The following CACNA1B variants were observed in gnomAD, a reference collection of about 807,000 sequenced individuals.
CACNA1B encodes the protein voltage-dependent N-type calcium channel subunit alpha-1B.
In CACNA1B, 70 loss-of-function variants were observed where a neutral mutation model predicts 247.2. The observed-to-expected ratio is 0.28, with a 90% CI of 0.23 to 0.35. The LOEUF is 0.35. Ranked by LOEUF, CACNA1B falls within the 10% of genes least tolerant of loss-of-function variation. The pLI, the probability that CACNA1B is intolerant of heterozygous loss-of-function variation, is 1.00. For synonymous variants in CACNA1B, 1,231 were observed against 1,294.4 expected, an observed-to-expected ratio of 0.95 and a Z score of 1.05; for missense variants, 2,367 against 3,197.4, an observed-to-expected ratio of 0.74 and a Z score of 6.26.
At chr9:137,988,869 C>T (rs1290781036) in intron 15 of CACNA1B, among the ~76,000 whole-genome samples, 1 of 152,198 alleles carries the variant, frequency 6.6e-6, no homozygotes, top group East Asian at 1.9e-4. Flanking sequence ...GCAGGGCTGA[C>T]TGGTGGCTAG....
chr9:138,112,933 G>T (rs765215427), intron 40 of CACNA1B, among the ~76,000 whole-genome samples: 1 of 148,528 alleles, frequency 6.7e-6, no homozygotes, highest in African/African-American at 2.5e-5. Flanking sequence ...GCACAGGGAA[G>T]TGCCCAACTC....
chr9:137,923,323 C>T (rs1225772826), intron 6 of CACNA1B, among the ~76,000 whole-genome samples: 3 of 149,618 alleles, frequency 2.0e-5, no homozygotes, highest in Admixed American at 2.0e-4. Flanking sequence ...TTCCGTGGCT[C>T]CAGGTGGTAT....
chr9:137,885,043 G>A (rs1479604741), intron 3 of CACNA1B, among the ~76,000 whole-genome samples: 1 of 133,986 alleles, frequency 7.5e-6, no homozygotes, highest in Non-Finnish European at 1.5e-5. Flanking sequence ...GTGTCTTGGT[G>A]TCTCTCTGCC....
Position 138,071,244 on chromosome 9 carries a change from G to A in CACNA1B, c.4674+1481G>A, listed in dbSNP as rs181058728. ...AGGTGAGTCAGCCACCATGTTGAGG[G>A]CACAATGCTGTGCCTTTGGGGTGCC... On this transcript the variant is annotated intron_variant, in intron 32 of 46. Transcript: ENST00000371372. 1.0e-3 allele frequency among the ~76,000 whole-genome samples: 155 copies of A among 152,320 alleles called. 1 individual carries two copies. Among genetic ancestry groups the A allele is most frequent in the Admixed American group, 5.2e-3 (79 of 15,306 alleles).
intron 40 of CACNA1B, 148 bp from the exon 41 acceptor site, chr9:138,114,230 G>T (rs1961774123): frequency 3.3e-6 from 2 of 599,720 alleles, no homozygotes; most frequent in East Asian, 2.8e-5. Context: ...CCCATGTTCT[G>T]CCTGAGAGCC....
chr9:137,956,565 A>G (rs991448809), intron 8 of CACNA1B, among the ~76,000 whole-genome samples: 17 of 151,914 alleles, frequency 1.1e-4, no homozygotes, highest in Admixed American at 1.0e-3. Flanking sequence ...GAGGCAGGAG[A>G]ATCGCTTGAA....
chr9:138,043,226 A>T (rs1392592683), intron 20 of CACNA1B, among the ~76,000 whole-genome samples: 1 of 152,162 alleles, frequency 6.6e-6, no homozygotes, highest in African/African-American at 2.4e-5. Context: ...GCGAGGGAGC[A>T]GGGCCTGAGC....
intron 34 of CACNA1B, 107 bp downstream of exon 34, chr9:138,074,173 A>C: frequency 2.4e-6 from 2 of 827,152 alleles, no homozygotes; most frequent in Admixed American, 3.4e-5. Flanking sequence ...GTTGATCCTT[A>C]GTGAACATTC....
chr9:137,880,865 C>T lies in CACNA1B; in HGVS notation c.390+1706C>T, dbSNP rs1956907882. Reference sequence around the variant, plus strand: ...CTCCCAGCCTGGCCCTGGGCGAGGCCTCCCTGGTTCCCTGCCTCTCGGGGC... The same window carrying T: ...CTCCCAGCCTGGCCCTGGGCGAGGCTTCCCTGGTTCCCTGCCTCTCGGGGC... On this transcript the variant is annotated intron_variant, in intron 2 of 46. Coordinates refer to ENST00000371372, the MANE Select transcript of CACNA1B (RefSeq NM_000718.4). This position sits in a 1 kb window ranked among gnomAD's most constrained non-coding sequence, Gnocchi z 4.8. 6.6e-6 allele frequency among the ~76,000 whole-genome samples: 1 copy of T among 152,142 alleles called. No homozygotes were observed. The highest frequency in any genetic ancestry group is 1.5e-5 in the Non-Finnish European group (1 of 67,990).
At chr9:137,910,929 C>G (rs1299835417) in intron 3 of CACNA1B, among the ~76,000 whole-genome samples, 1 of 152,118 alleles carries the variant, frequency 6.6e-6, no homozygotes, top group East Asian at 1.9e-4. Flanking sequence ...TGCCTGTGCT[C>G]TTGGTGTCAT....
rs1391721056 is a variant in CACNA1B, at chr9:137,899,463, A to C, written c.531-13717A>C. Among the ~76,000 whole-genome samples, 1 of 152,070 alleles carries C rather than the reference A, an allele frequency of 6.6e-6. No homozygotes were observed. The highest frequency in any genetic ancestry group is 1.5e-5 in the Non-Finnish European group (1 of 67,998). On this transcript the variant is annotated intron_variant, in intron 3 of 46. Coordinates refer to ENST00000371372, the MANE Select transcript of CACNA1B (RefSeq NM_000718.4). This position sits in a 1 kb window ranked among gnomAD's most constrained non-coding sequence, Gnocchi z 5.0. ...TCATGAGAGTCCCTGGCTTGTAGTAATGGCTCACCGCTGTCGTGTGTGTGC... is the reference window on the plus strand; with the variant it reads ...TCATGAGAGTCCCTGGCTTGTAGTACTGGCTCACCGCTGTCGTGTGTGTGC...
At chr9:138,119,354 C>T (rs1023804075) in intron 44 of CACNA1B, among the ~76,000 whole-genome samples, 1 of 152,106 alleles carries the variant, frequency 6.6e-6, no homozygotes, top group Non-Finnish European at 1.5e-5. Context: ...GGGAGGATCG[C>T]CCCTCCGAGG....
intron 5 of CACNA1B, among the ~76,000 whole-genome samples, chr9:137,915,317 G>A (rs569244386): frequency 1.3e-5 from 2 of 152,338 alleles, no homozygotes; most frequent in East Asian, 1.9e-4. Flanking sequence ...CTGATCATTC[G>A]GGCTGCTCCT....
At position 137,971,701 on chromosome 9, in the gene CACNA1B, C is replaced by T. The variant is rs1958152343; in HGVS notation, c.1543+109C>T. 1 of 887,360 alleles carries T rather than the reference C, an allele frequency of 1.1e-6. No individual in the cohort carries two copies. The highest frequency in any genetic ancestry group is 1.8e-6 in the Non-Finnish European group (1 of 570,812). The allele number at this position is 887,360 out of a possible 1,614,324, so 55.0% of individuals were successfully genotyped here. On this transcript the variant is annotated intron_variant, in intron 11 of 46. Coordinates refer to ENST00000371372, the MANE Select transcript of CACNA1B (RefSeq NM_000718.4). This position sits in a 1 kb window ranked among gnomAD's most constrained non-coding sequence, Gnocchi z 4.4. ...CCCCAGGTGGGACGGGACCCACCCC[C>T]ATGTTGCTCAAAGTATCCCACAGCC...
At chr9:137,918,144 C>T (rs961559025) in intron 6 of CACNA1B, among the ~76,000 whole-genome samples, 7 of 152,120 alleles carry the variant, frequency 4.6e-5, no homozygotes, top group Non-Finnish European at 1.0e-4. Context: ...ATCAGGATGC[C>T]GGCCTGTCTC....
chr9:138,083,358 G>T (rs1418660601), intron 36 of CACNA1B, among the ~76,000 whole-genome samples: 1 of 151,158 alleles, frequency 6.6e-6, no homozygotes, highest in African/African-American at 2.4e-5. Flanking sequence ...CGTGGAGGTG[G>T]AGCTGCTTCA....
intron 3 of CACNA1B, among the ~76,000 whole-genome samples, chr9:137,910,923 T>C (rs1957353125): frequency 6.6e-6 from 1 of 152,234 alleles, no homozygotes; most frequent in Admixed American, 6.5e-5. Context: ...TTTTATTGCC[T>C]GTGCTCTTGG....
chr9:137,931,304 A>G (rs1291749809), intron 6 of CACNA1B, among the ~76,000 whole-genome samples: 2 of 152,060 alleles, frequency 1.3e-5, no homozygotes, highest in Non-Finnish European at 2.9e-5. Context: ...GAGGTTTCCC[A>G]TTGGTTAGCT....
intron 39 of CACNA1B, among the ~76,000 whole-genome samples, chr9:138,108,338 C>G: frequency 7.1e-6 from 1 of 141,390 alleles, no homozygotes. Flanking sequence ...AAAGCAAAAG[C>G]TTCATAATAC....
Sources: allele counts gnomAD v4.1 joint callset (sites outside exome capture counted in the v4.1 genomes callset), GRCh38; gene constraint gnomAD v4.1.1; non-coding constraint Gnocchi (gnomAD v3.1); transcripts MANE v1.5; gene names NCBI Gene and HGNC (gene_info 2026-07-23, HGNC 2026-07-21).